Variants in AFF2 observed in about 807,000 individuals in gnomAD.
AFF2 encodes the protein AF4/FMR2 family member 2.
AFF2 carries 14 observed loss-of-function variants against 76.9 expected under a neutral mutation model. That is an observed-to-expected ratio of 0.18 (90% CI 0.12 to 0.28). The LOEUF (loss-of-function observed/expected upper bound fraction) is 0.28. Ranked by LOEUF, AFF2 falls within the 10% of genes least tolerant of loss-of-function variation. The pLI, the probability that AFF2 is intolerant of heterozygous loss-of-function variation, is 1.00. For missense variants in AFF2, 868 were observed against 1,001.1 expected (o/e 0.87, Z 1.79); for synonymous variants, 398 against 366.7 (o/e 1.09, Z -0.98).
Position 148,557,890 on chromosome X carries a change from C to G in AFF2, c.47+56746C>G, listed in dbSNP as rs115639362. On this transcript the variant is annotated intron_variant, in intron 1 of 20. Coordinates refer to ENST00000370460, the MANE Select transcript of AFF2 (RefSeq NM_002025.4). ...CTTTTTGAGAACCTTAGAGACCCATCCTTTCAAATGGTGCCAATTATATTC... is the reference window on the plus strand; with the variant it reads ...CTTTTTGAGAACCTTAGAGACCCATGCTTTCAAATGGTGCCAATTATATTC... Among the ~76,000 whole-genome samples the G allele has an allele frequency of 4.1e-3, 460 of 112,018 alleles. 3 individuals carry two copies. Among genetic ancestry groups the G allele is most frequent in the African/African-American group, 0.014 (440 of 30,839 alleles).
intron 7 of AFF2, among the ~76,000 whole-genome samples, chrX:148,847,703 C>T (rs1444489235): frequency 9.0e-6 from 1 of 111,662 alleles, no homozygotes; most frequent in Non-Finnish European, 1.9e-5. Context: ...TGAAGACATC[C>T]TTGATTGTAG....
intron 3 of AFF2, among the ~76,000 whole-genome samples, chrX:148,805,409 C>A (rs951299702): frequency 9.0e-6 from 1 of 111,056 alleles, no homozygotes; most frequent in Non-Finnish European, 1.9e-5. Flanking sequence ...ATAATATACT[C>A]AGAGGCATGC....
At chrX:148,976,888 C>T (rs1345758059) in intron 16 of AFF2, among the ~76,000 whole-genome samples, 1 of 112,507 alleles carries the variant, frequency 8.9e-6, no homozygotes, top group South Asian at 3.7e-4. Flanking sequence ...GTACAAGTGC[C>T]TTTCCTGGAA....
chrX:148,892,707 C>A (rs782402082), intron 8 of AFF2, among the ~76,000 whole-genome samples: 8 of 112,006 alleles, frequency 7.1e-5, no homozygotes, highest in Non-Finnish European at 1.5e-4. Flanking sequence ...TATCAGCTGG[C>A]TCTTTTGAAG....
At chrX:148,916,780 T>TCA (rs1569557055) in intron 9 of AFF2, among the ~76,000 whole-genome samples, 1 of 111,764 alleles carries the variant, frequency 8.9e-6, no homozygotes, top group African/African-American at 3.3e-5. Flanking sequence ...TCTCTCTCTC[T>TCA]CACTCTGTCC....
At chrX:148,882,405 G>T (rs1334244256) in intron 7 of AFF2, among the ~76,000 whole-genome samples, 1 of 111,694 alleles carries the variant, frequency 9.0e-6, no homozygotes, top group Non-Finnish European at 1.9e-5. Flanking sequence ...CAAATTATAG[G>T]TCACAGTAAA....
intron 7 of AFF2, among the ~76,000 whole-genome samples, chrX:148,866,110 T>C (rs2070902843): frequency 9.0e-6 from 1 of 111,622 alleles, no homozygotes; most frequent in Non-Finnish European, 1.9e-5. Context: ...AGCTGTTCTT[T>C]CCAGGATAAG....
In AFF2 at chrX:148,962,697, A is replaced by G; in HGVS notation, c.2691-18A>G. 2 of 1,172,019 alleles carry G rather than the reference A, an allele frequency of 1.7e-6. No homozygotes were observed. Among genetic ancestry groups the G allele is most frequent in the Non-Finnish European group, 1.2e-6 (1 of 860,784 alleles). Reference sequence around the variant, plus strand: ...GAGAGAAGACTTTATGACACCCTACACTTCTTGTTTTTCACAGAAATAATT... The same window carrying G: ...GAGAGAAGACTTTATGACACCCTACGCTTCTTGTTTTTCACAGAAATAATT... On this transcript the variant is annotated intron_variant, in intron 12 of 20. Coordinates refer to ENST00000370460, the MANE Select transcript of AFF2 (RefSeq NM_002025.4).
At chrX:148,877,663 G>T (rs782572988) in intron 7 of AFF2, among the ~76,000 whole-genome samples, 3 of 112,153 alleles carry the variant, frequency 2.7e-5, no homozygotes, top group African/African-American at 9.7e-5. Context: ...TCTGGAAATG[G>T]GTTTGAGAAA....
rs782526468 is a variant in AFF2 at position 148,998,392 on chromosome X, G to C, written c.*7060G>C. The C allele has an allele frequency of 8.9e-6, 1 of 112,505 alleles. No individual in the cohort carries two copies. The highest frequency in any genetic ancestry group is 9.5e-5 in the Admixed American group (1 of 10,562). 9.3% of individuals were successfully genotyped at this position (112,505 alleles called of 1,213,427 possible). A position where few individuals can be genotyped will look rare whatever the true frequency, so the allele number is the denominator to read the frequency against. ...TTGTTCATACTTTCAAAACATAACAGATTAATAAAAATAGATGTGTCCTGA... is the reference window on the plus strand; with the variant it reads ...TTGTTCATACTTTCAAAACATAACACATTAATAAAAATAGATGTGTCCTGA... On this transcript the variant is annotated 3_prime_UTR_variant, in exon 21 of 21. Transcript: ENST00000370460.
chrX:148,676,655 T>A (rs782108274), intron 3 of AFF2, among the ~76,000 whole-genome samples: 1 of 112,026 alleles, frequency 8.9e-6, no homozygotes, highest in Non-Finnish European at 1.9e-5. Flanking sequence ...GAAAAGCTTT[T>A]TCAAGGAGGT....
In AFF2 at chrX:148,955,907, T is replaced by C; in HGVS notation, c.1862T>C (p.Val621Ala). The C allele has an allele frequency of 2.5e-6, 3 of 1,211,534 alleles. No individual in the cohort carries two copies. Among genetic ancestry groups the C allele is most frequent in the Non-Finnish European group, 3.4e-6 (3 of 895,470 alleles). Residue 621 changes from valine to alanine, a missense_variant, in exon 11 of 21, where the codon GTG becomes GCG. By Grantham distance (64) the Val-to-Ala change is moderately conservative. Transcript: ENST00000370460. ...AAGTTGTCAACAACTAGTGAGACAG[T>C]GTCTCAAAGGACAATTGGGAAAAAA... ...KHKLSTTSET[V>A]SQRTIGKKQP...
chrX:148,696,788 T>C (rs1414803332), intron 3 of AFF2, among the ~76,000 whole-genome samples: 1 of 111,852 alleles, frequency 8.9e-6, no homozygotes, highest in Non-Finnish European at 1.9e-5. Context: ...CATCACCCAA[T>C]TCAAAATTTG....
intron 7 of AFF2, among the ~76,000 whole-genome samples, chrX:148,846,947 C>T (rs781980250): frequency 9.0e-6 from 1 of 111,665 alleles, no homozygotes; most frequent in African/African-American, 3.3e-5. Flanking sequence ...GTCCCCCAGG[C>T]TGGAGTGCAG....
chrX:148,895,566 AGTGAGT>A (rs201214210), intron 8 of AFF2, among the ~76,000 whole-genome samples: 1 of 43,861 alleles, frequency 2.3e-5, no homozygotes, highest in Non-Finnish European at 5.6e-5. Flanking sequence ...TCTGTGAGTG[AGTGAGT>A]GTGTGTGTGT....
chrX:148,976,095 T>C (rs2072322804), intron 16 of AFF2, among the ~76,000 whole-genome samples: 1 of 111,274 alleles, frequency 9.0e-6, no homozygotes, highest in Non-Finnish European at 1.9e-5. Context: ...TATATGCTAT[T>C]TTACTTCCCA....
chrX:148,854,450 T>C (rs1253045408), intron 7 of AFF2, among the ~76,000 whole-genome samples: 1 of 111,647 alleles, frequency 9.0e-6, no homozygotes, highest in Non-Finnish European at 1.9e-5. Context: ...GAAGCCAAGA[T>C]ACACAGTAAA....
At chrX:148,548,336 G>A (rs1189564910) in intron 1 of AFF2, among the ~76,000 whole-genome samples, 1 of 112,287 alleles carries the variant, frequency 8.9e-6, no homozygotes, top group Non-Finnish European at 1.9e-5. Context: ...CATGCATAGA[G>A]CTCTCCTTAT....
Position 148,581,621 on chromosome X carries a change from C to CGTATACGTGTACACACATATATAT in AFF2, c.48-70370_48-70369insGTACACACATATATATGTATACGT, listed in dbSNP as rs2053410885. On this transcript the variant is annotated intron_variant, in intron 1 of 20. Coordinates refer to ENST00000370460, the MANE Select transcript of AFF2 (RefSeq NM_002025.4). ...ACGTATACGTGTACACACATATATACGTATACGTATACGTGTACACACATA... is the reference window on the plus strand; with the variant it reads ...ACGTATACGTGTACACACATATATACGTATACGTGTACACACATATATATGTATACGTATACGTGTACACACATA... Among the ~76,000 whole-genome samples, 17 of 94,255 alleles carry CGTATACGTGTACACACATATATAT rather than the reference C, an allele frequency of 1.8e-4. No homozygotes were observed. In the Admixed American group the frequency reaches 1.9e-3, roughly 10 times the overall value. 81.8% of individuals were successfully genotyped at this position (94,255 alleles called of 115,157 possible).
Sources: gnomAD v4.1 joint callset for allele counts (sites outside exome capture counted in the v4.1 genomes callset) on GRCh38, gnomAD v4.1.1 for gene constraint, MANE v1.5 for transcripts, NCBI Gene and HGNC (gene_info 2026-07-23, HGNC 2026-07-21) for gene names.